The following GRIN2D variants were observed in gnomAD, a reference collection of about 807,000 sequenced individuals.
GRIN2D encodes the protein glutamate receptor ionotropic, NMDA 2D.
GRIN2D carries 37 observed loss-of-function variants against 103.2 expected under a neutral mutation model. The ratio of observed to expected loss-of-function variants is 0.36; its 90% confidence interval spans 0.28 to 0.47. The LOEUF (loss-of-function observed/expected upper bound fraction) is 0.47. Ranked by LOEUF, GRIN2D falls within the 20% of genes least tolerant of loss-of-function variation. The pLI, the probability that GRIN2D is intolerant of heterozygous loss-of-function variation, is 1.00. For missense variants in GRIN2D, 1,557 were observed against 1,910.6 expected, an observed-to-expected ratio of 0.81 and a Z score of 3.45; for synonymous variants, 845 against 885.6, an observed-to-expected ratio of 0.95 and a Z score of 0.81.
In GRIN2D at chr19:48,438,287, C is replaced by CTTTTTTTTTTTTTTTT. The variant is rs71181697; in HGVS notation, c.2253-3468_2253-3453dup. Among the ~76,000 whole-genome samples the CTTTTTTTTTTTTTTTT allele has an allele frequency of 5.0e-4, 29 of 57,754 alleles. 6 individuals carry two copies. The highest frequency in any genetic ancestry group is 1.3e-3 in the African/African-American group (17 of 13,224). The allele number at this position is 57,754 out of a possible 152,430, so 37.9% of individuals were successfully genotyped here. Reference sequence around the variant, plus strand: ...TCTCTTCAACTCAGCATCCAGCCGCCTTTTTTTTTTTTTTTTTTTTTTTTT... The same window carrying CTTTTTTTTTTTTTTTT: ...TCTCTTCAACTCAGCATCCAGCCGCCTTTTTTTTTTTTTTTTTTTTTTTTTTTTTTTTTTTTTTTTT... On this transcript the variant is annotated intron_variant, in intron 11 of 13. Coordinates refer to ENST00000263269, the MANE Select transcript of GRIN2D (RefSeq NM_000836.4).
intron 4 of GRIN2D, among the ~76,000 whole-genome samples, chr19:48,412,500 G>A (rs1381698964): frequency 6.7e-6 from 1 of 149,426 alleles, no homozygotes; most frequent in Non-Finnish European, 1.5e-5. Flanking sequence ...AGAAAGAGGC[G>A]GGCCAGGCCA....
At position 48,435,719 on chromosome 19, in the gene GRIN2D, T is replaced by A. The variant is rs12973904; in HGVS notation, c.2253-6050T>A. On this transcript the variant is annotated intron_variant, in intron 11 of 13. Transcript: ENST00000263269. ...CGGGCGGCCTCCCAAAGTGCTGGGG[T>A]TAGAAGCATGAGCCACCACACCCAG... is the stretch of plus-strand genomic sequence containing the variant. Among the ~76,000 whole-genome samples, 985 of 152,252 alleles carry A rather than the reference T, an allele frequency of 6.5e-3. 7 individuals are homozygous for A. The highest frequency in any genetic ancestry group is 0.01 in the Middle Eastern group (3 of 294).
intron 10 of GRIN2D, 68 bp downstream of exon 10, chr19:48,419,882 G>T (rs1426022081): frequency 1.6e-5 from 9 of 559,050 alleles, no homozygotes; most frequent in Non-Finnish European, 2.3e-5. Context: ...TTGTCATGTG[G>T]TAGATTAGAG....
chr19:48,438,193 TAAATC>T (rs1299552004), intron 11 of GRIN2D, among the ~76,000 whole-genome samples: 1 of 151,462 alleles, frequency 6.6e-6, no homozygotes, highest in Non-Finnish European at 1.5e-5. Context: ...TAGGAGGACT[TAAATC>T]AACAGACAGG....
chr19:48,405,054 G>A lies in GRIN2D; in HGVS notation c.786G>A (p.Glu262=). 1 of 1,608,970 alleles carries A rather than the reference G, an allele frequency of 6.2e-7. No homozygotes were observed. Among genetic ancestry groups the A allele is most frequent in the Non-Finnish European group, 8.5e-7 (1 of 1,177,576 alleles). ...EAEPVFRAAE[E]AGLTGSGYVW... is the part of the protein sequence containing the mutation. The stretch of plus-strand genomic sequence containing the variant: ...AGCCCGTGTTCCGCGCAGCTGAGGA[G>A]GCTGGCCTCACTGGATCTGGCTACG... Residue 262 remains glutamate, a synonymous_variant, in exon 4 of 14, where the codon GAG becomes GAA. Coordinates refer to ENST00000263269, the MANE Select transcript of GRIN2D (RefSeq NM_000836.4). The surrounding 1 kb of genome is among the most constrained non-coding windows in gnomAD (Gnocchi z 5.1).
In GRIN2D at chr19:48,419,568, G is replaced by T; in HGVS notation, c.1862-17G>T. The T allele has an allele frequency of 6.3e-7, 1 of 1,578,314 alleles. No homozygotes were observed. Among genetic ancestry groups the T allele is most frequent in the Non-Finnish European group, 8.7e-7 (1 of 1,150,276 alleles). On this transcript the variant is annotated splice_polypyrimidine_tract_variant and intron_variant, in intron 9 of 13. Coordinates refer to ENST00000263269, the MANE Select transcript of GRIN2D (RefSeq NM_000836.4). ...GAAGGGATTTGGGGTCCATGTCCACGTCCTGGCCCCCTGCAGGCCCTGGCG... is the reference window on the plus strand; with the variant it reads ...GAAGGGATTTGGGGTCCATGTCCACTTCCTGGCCCCCTGCAGGCCCTGGCG...
In GRIN2D at chr19:48,442,454, CAA is replaced by C; in HGVS notation, c.2673+73_2673+74del. On this transcript the variant is annotated intron_variant, in intron 13 of 13. Coordinates refer to ENST00000263269, the MANE Select transcript of GRIN2D (RefSeq NM_000836.4). This position sits in a 1 kb window ranked among gnomAD's most constrained non-coding sequence, Gnocchi z 7.2. ...GGACAAAGGTAAAGCCGAGCAGAGA[CAA>C]GGAGATGTGGGTCGAGATGTGGATA... is the stretch of plus-strand genomic sequence containing the variant. The C allele has an allele frequency of 6.5e-7, 1 of 1,550,166 alleles. No individual in the cohort carries two copies. The highest frequency in any genetic ancestry group is 1.7e-5 in the Admixed American group (1 of 58,104).
chr19:48,408,517 T>C (rs1970818416), intron 4 of GRIN2D, among the ~76,000 whole-genome samples: 1 of 151,288 alleles, frequency 6.6e-6, no homozygotes, highest in Non-Finnish European at 1.5e-5. Context: ...TTTAAAAAAT[T>C]AAAATTTAAG....
chr19:48,443,849 C>G lies in GRIN2D; in HGVS notation c.3923C>G (p.Pro1308Arg). 4 of 1,485,166 alleles carry G rather than the reference C, an allele frequency of 2.7e-6. No individual in the cohort carries two copies. In the South Asian group the frequency reaches 5.1e-5, roughly 19 times the overall value. 92.0% of individuals were successfully genotyped at this position (1,485,166 alleles called of 1,614,324 possible). ...GCCGCGCACTGGGGGCCGCCGCTGC[C>G]CACAGCTTCCCACCGGAGACACCGG... ...PHAAHWGPPL[P>R]TASHRRHRGG... The change falls in exon 14 of 14, where the codon CCC becomes CGC. Residue 1308 changes from proline to arginine, a missense_variant. By Grantham distance (103) the Pro-to-Arg change is moderately radical. Transcript: ENST00000263269. This position sits in a 1 kb window ranked among gnomAD's most constrained non-coding sequence, Gnocchi z 8.9.
At chr19:48,441,743 C>G (rs1971294409) in intron 11 of GRIN2D, 26 bp from the exon 12 acceptor site, 1 of 1,591,702 alleles carries the variant, frequency 6.3e-7, no homozygotes, top group Non-Finnish European at 8.6e-7. Flanking sequence ...GGGACTGACC[C>G]TACCCTCCAT....
intron 11 of GRIN2D, among the ~76,000 whole-genome samples, chr19:48,432,207 G>A (rs1971166007): frequency 6.6e-6 from 1 of 151,168 alleles, no homozygotes; most frequent in Non-Finnish European, 1.5e-5. Flanking sequence ...ACCGCACCCG[G>A]CCTTCTTTTT....
chr19:48,433,942 GCTT>G (rs1380530865), intron 11 of GRIN2D, among the ~76,000 whole-genome samples: 1 of 150,908 alleles, frequency 6.6e-6, no homozygotes, highest in Non-Finnish European at 1.5e-5. Flanking sequence ...TCATTTGGCC[GCTT>G]CTTTTCTTTT....
At chr19:48,398,906 C>A (rs1045475763) in intron 3 of GRIN2D, 49 bp downstream of exon 3, 2 of 1,045,136 alleles carry the variant, frequency 1.9e-6, no homozygotes, top group South Asian at 3.2e-5. Context: ...CGGGGACAGC[C>A]GCTGAGGGGC....
At chr19:48,428,743 T>C (rs1971119756) in intron 11 of GRIN2D, among the ~76,000 whole-genome samples, 1 of 152,200 alleles carries the variant, frequency 6.6e-6, no homozygotes, top group South Asian at 2.1e-4. Context: ...GGATTCCCTC[T>C]GCAGAGGCCC....
chr19:48,441,778 C>A lies in GRIN2D; in HGVS notation c.2262C>A (p.Asp754Glu). Residue 754 changes from aspartate (D) to glutamate (E), a missense_variant, in exon 12 of 14, where the codon GAC (aspartate) becomes GAA (glutamate). By Grantham distance (45) the Asp-to-Glu change is conservative. Coordinates refer to ENST00000263269, the MANE Select transcript of GRIN2D (RefSeq NM_000836.4). ...TTCCCCCTCCCCCCAGGAAGCTGGACGCCTTCATCTACGATGCTGCAGTGC... is the reference window on the plus strand; with the variant it reads ...TTCCCCCTCCCCCCAGGAAGCTGGAAGCCTTCATCTACGATGCTGCAGTGC... ...ALTQLKAGKL[D>E]AFIYDAAVLN... 6.2e-7 allele frequency: 1 copy of A among 1,609,870 alleles called. No individual in the cohort carries two copies. The highest frequency in any genetic ancestry group is 1.7e-4 in the Middle Eastern group (1 of 6,046).
chr19:48,411,476 C>A (rs901277110), intron 4 of GRIN2D, among the ~76,000 whole-genome samples: 1 of 151,768 alleles, frequency 6.6e-6, no homozygotes, highest in Non-Finnish European at 1.5e-5. Context: ...ATGGTGAAAC[C>A]CTGTCTCTAC....
Position 48,441,807 on chromosome 19 carries a change from A to G in GRIN2D, c.2291A>G (p.Asn764Ser), listed in dbSNP as rs921534898. 1 of 1,613,960 alleles carries G rather than the reference A, an allele frequency of 6.2e-7. No homozygotes were observed. Among genetic ancestry groups the G allele is most frequent in the Non-Finnish European group, 8.5e-7 (1 of 1,179,990 alleles). ...DAFIYDAAVL[N>S]YMARKDEGCK... ...TTCATCTACGATGCTGCAGTGCTCAATTACATGGCCCGCAAGGACGAGGGC... is the reference window on the plus strand; with the variant it reads ...TTCATCTACGATGCTGCAGTGCTCAGTTACATGGCCCGCAAGGACGAGGGC... The change falls in exon 12 of 14, where the codon AAT becomes AGT. Residue 764 changes from asparagine (N) to serine (S), a missense_variant. Physicochemically the swap from Asn to Ser is conservative, Grantham distance 46. Around this residue, in one of 7 missense-constraint regions of GRIN2D, gnomAD observed 138 missense variants for 270.2 expected, o/e 0.51. Coordinates refer to ENST00000263269, the MANE Select transcript of GRIN2D (RefSeq NM_000836.4).
chr19:48,435,948 G>C (rs1971224215), intron 11 of GRIN2D, among the ~76,000 whole-genome samples: 1 of 152,242 alleles, frequency 6.6e-6, no homozygotes, highest in South Asian at 2.1e-4. Flanking sequence ...AAATAGGGCA[G>C]GGTGAATGCA....
intron 11 of GRIN2D, among the ~76,000 whole-genome samples, chr19:48,440,396 C>T (rs1392244829): frequency 1.3e-5 from 2 of 152,040 alleles, no homozygotes; most frequent in East Asian, 1.9e-4. Context: ...AGTTAGAGCC[C>T]AGCCTGGGCA....
Sources: gnomAD v4.1 joint callset for allele counts (sites outside exome capture counted in the v4.1 genomes callset) on GRCh38, gnomAD v4.1.1 for gene constraint, gnomAD v4.1.1 regional missense constraint, Gnocchi (gnomAD v3.1) non-coding constraint, MANE v1.5 for transcripts, NCBI Gene and HGNC (gene_info 2026-07-23, HGNC 2026-07-21) for gene names.